Variants in PSD3 observed in about 807,000 individuals in gnomAD.
PSD3 encodes pleckstrin and Sec7 domain containing 3.
A neutral mutation model predicts 105.5 loss-of-function variants in PSD3; 49 were observed. The ratio of observed to expected loss-of-function variants is 0.46; its 90% CI spans 0.37 to 0.59. The LOEUF is 0.59. PSD3 is among the 20% of genes least tolerant of loss of function. PSD3 has a pLI of 0.00. For synonymous variants in PSD3, 557 were observed against 457.8 expected (o/e 1.22, Z -2.77); for missense variants, 1,561 against 1,263.8 (o/e 1.24, Z -3.57).
chr8:18,714,505 G>A (rs749337964), intron 9 of PSD3, among the ~76,000 whole-genome samples: 3 of 150,370 alleles, frequency 2.0e-5, no homozygotes, highest in Non-Finnish European at 4.4e-5. Flanking sequence ...AGTCATACGT[G>A]CAGCCAAGAA....
chr8:18,599,920 G>C (rs984943132), intron 12 of PSD3, among the ~76,000 whole-genome samples: 8 of 152,098 alleles, frequency 5.3e-5, no homozygotes, highest in African/African-American at 1.7e-4. Context: ...CACAGTAAGA[G>C]ATTAACCATA....
intron 9 of PSD3, among the ~76,000 whole-genome samples, chr8:18,752,645 A>AT (rs201763313): frequency 0.047 from 4,975 of 104,764 alleles, 550 homozygotes; most frequent in African/African-American, 0.18. Flanking sequence ...TATATATAAT[A>AT]TATATAATAT....
intron 9 of PSD3, among the ~76,000 whole-genome samples, chr8:18,689,485 C>A (rs1183845515): frequency 6.6e-6 from 1 of 152,068 alleles, no homozygotes; most frequent in Non-Finnish European, 1.5e-5. Context: ...TTATAAATAC[C>A]AATTGTCTAG....
chr8:18,661,896 T>C (rs77838878), intron 9 of PSD3, among the ~76,000 whole-genome samples: 1 of 152,186 alleles, frequency 6.6e-6, no homozygotes, highest in Non-Finnish European at 1.5e-5. Flanking sequence ...ATGCCCAAGT[T>C]TAAAGAGCGC....
chr8:18,591,901 C>G (rs1410098747), intron 12 of PSD3, among the ~76,000 whole-genome samples: 1 of 152,080 alleles, frequency 6.6e-6, no homozygotes, highest in Non-Finnish European at 1.5e-5. Context: ...AAAAAGGATT[C>G]AGAGTTCCCT....
intron 1 of PSD3, among the ~76,000 whole-genome samples, chr8:19,071,750 C>T (rs1330595356): frequency 1.3e-5 from 2 of 152,072 alleles, no homozygotes; most frequent in African/African-American, 4.8e-5. Context: ...GACGGAGTTT[C>T]ACTCTTGTTG....
At chr8:18,919,071 A>G (rs1820819833) in intron 2 of PSD3, among the ~76,000 whole-genome samples, 1 of 152,112 alleles carries the variant, frequency 6.6e-6, no homozygotes, top group South Asian at 2.1e-4. Flanking sequence ...ATGATTTTCA[A>G]AGAATATCTA....
intron 1 of PSD3, among the ~76,000 whole-genome samples, chr8:18,966,364 G>A (rs766814860): frequency 9.2e-5 from 14 of 152,190 alleles, no homozygotes; most frequent in Middle Eastern, 3.4e-3. Context: ...GAGGTCAGCA[G>A]TTCAAGAACA....
intron 1 of PSD3, among the ~76,000 whole-genome samples, chr8:18,978,681 C>A (rs1000627459): frequency 3.9e-5 from 6 of 152,110 alleles, no homozygotes; most frequent in Non-Finnish European, 7.4e-5. Flanking sequence ...TCAACCACTG[C>A]CAGGCTCCGC....
At chr8:18,769,643 C>T (rs1288285141) in intron 8 of PSD3, among the ~76,000 whole-genome samples, 1 of 152,194 alleles carries the variant, frequency 6.6e-6, no homozygotes, top group Non-Finnish European at 1.5e-5. Context: ...CTTCCACCAC[C>T]CTCACTAGGG....
chr8:19,063,954 C>A (rs1315953026), intron 1 of PSD3, among the ~76,000 whole-genome samples: 1 of 152,074 alleles, frequency 6.6e-6, no homozygotes, highest in East Asian at 1.9e-4. Context: ...CCAGCCTGAC[C>A]AACATGGTGA....
chr8:18,701,476 A>C (rs2129416911), intron 9 of PSD3, among the ~76,000 whole-genome samples: 1 of 152,340 alleles, frequency 6.6e-6, no homozygotes, highest in Non-Finnish European at 1.5e-5. Context: ...CTATGTATCA[A>C]GAAACCTTTT....
At chr8:18,737,841 C>A (rs545880200) in intron 9 of PSD3, among the ~76,000 whole-genome samples, 1 of 152,240 alleles carries the variant, frequency 6.6e-6, no homozygotes, top group African/African-American at 2.4e-5. Context: ...TTACTTCTAA[C>A]TTTGATTTTG....
intron 1 of PSD3, among the ~76,000 whole-genome samples, chr8:19,027,228 A>G (rs1369173908): frequency 1.3e-5 from 2 of 152,038 alleles, no homozygotes; most frequent in African/African-American, 4.8e-5. Context: ...AAAACAAAAA[A>G]GAAAAAGAAA....
At chr8:18,917,393 T>C (rs1192410277) in intron 2 of PSD3, among the ~76,000 whole-genome samples, 11 of 152,164 alleles carry the variant, frequency 7.2e-5, no homozygotes, top group Admixed American at 7.2e-4. Context: ...AAAGTGATCA[T>C]GGCACGACAC....
At chr8:18,725,289 G>C (rs1340984747) in intron 9 of PSD3, among the ~76,000 whole-genome samples, 2 of 152,120 alleles carry the variant, frequency 1.3e-5, no homozygotes, top group East Asian at 3.8e-4. Flanking sequence ...TCAGCTTTTG[G>C]AAGAGGGGCT....
At chr8:18,882,616 C>T (rs1563381510) in intron 2 of PSD3, among the ~76,000 whole-genome samples, 1 of 152,132 alleles carries the variant, frequency 6.6e-6, no homozygotes, top group Non-Finnish European at 1.5e-5. Flanking sequence ...TGAGCTGATA[C>T]CATTAAGTAT....
In PSD3 at chr8:18,988,460, A is replaced by T. The variant is rs890349604; in HGVS notation, c.21+25103T>A. 5.3e-5 allele frequency among the ~76,000 whole-genome samples: 8 copies of T among 152,308 alleles called. 1 individual carries two copies. Among genetic ancestry groups the T allele is most frequent in the Non-Finnish European group, 1.2e-4 (8 of 68,030 alleles). On this transcript the variant is annotated intron_variant, in intron 1 of 15. Coordinates refer to ENST00000327040, the MANE Select transcript of PSD3 (RefSeq NM_015310.4). ...AAACCTGCTTTTCATCAATCAAATAAATCAGGGAAGGCGGCATTTCTAGGC... is the reference window on the plus strand; with the variant it reads ...AAACCTGCTTTTCATCAATCAAATATATCAGGGAAGGCGGCATTTCTAGGC...
chr8:18,613,980 A>G (rs1805466977), intron 11 of PSD3, among the ~76,000 whole-genome samples: 1 of 152,224 alleles, frequency 6.6e-6, no homozygotes, highest in Non-Finnish European at 1.5e-5. Context: ...TTTCCTTTGA[A>G]AAACCCTCAC....
Sources: gnomAD v4.1 joint callset for allele counts (sites outside exome capture counted in the v4.1 genomes callset) on GRCh38, gnomAD v4.1.1 for gene constraint, MANE v1.5 for transcripts, NCBI Gene and HGNC (gene_info 2026-07-23, HGNC 2026-07-21) for gene names.